COQ8A: variants seen among roughly 807,000 people sequenced by gnomAD.
COQ8A encodes the protein atypical kinase COQ8A, mitochondrial.
A neutral mutation model predicts 65.0 loss-of-function variants in COQ8A; 51 were observed. That is an observed-to-expected ratio of 0.78 (90% CI 0.63 to 0.99). COQ8A has a LOEUF of 0.99. Ranked by LOEUF, COQ8A falls within the 50% of genes least tolerant of loss-of-function variation. The pLI, the probability that COQ8A is intolerant of heterozygous loss-of-function variation, is 0.00. For synonymous variants in COQ8A, 371 were observed against 353.2 expected, an observed-to-expected ratio of 1.05 and a Z score of -0.57; for missense variants, 940 against 875.0, an observed-to-expected ratio of 1.07 and a Z score of -0.94.
At chr1:226,965,486 G>T in intron 3 of COQ8A, 76 bp downstream of exon 3, 2 of 1,566,612 alleles carry the variant, frequency 1.3e-6, no homozygotes, top group South Asian at 1.2e-5. Context: ...CTGCTCTAGG[G>T]ACTTTTCCTG....
chr1:226,941,088 C>G (rs138431011), intron 1 of COQ8A, among the ~76,000 whole-genome samples: 1 of 152,236 alleles, frequency 6.6e-6, no homozygotes, highest in African/African-American at 2.4e-5. Context: ...GTAACAGCCC[C>G]TCTGCCAAAC....
chr1:226,961,710 C>A, intron 2 of COQ8A, 148 bp downstream of exon 2: 1 of 941,022 alleles, frequency 1.1e-6, no homozygotes, highest in Non-Finnish European at 1.6e-6. Flanking sequence ...ACGGTCCTTC[C>A]AGGGTGGGAC....
At chr1:226,969,446 G>A (rs891259656) in intron 4 of COQ8A, among the ~76,000 whole-genome samples, 4 of 152,096 alleles carry the variant, frequency 2.6e-5, no homozygotes, top group Non-Finnish European at 5.9e-5. Context: ...CTACACGTGC[G>A]TGATAAGTCT....
chr1:226,975,406 A>G (rs912822191), intron 4 of COQ8A, among the ~76,000 whole-genome samples: 8 of 152,222 alleles, frequency 5.3e-5, no homozygotes, highest in Admixed American at 5.2e-4. Context: ...CGGCTGGTCC[A>G]CAGTGGGATG....
chr1:226,982,033 A>G lies in COQ8A; in HGVS notation c.737A>G (p.Lys246Arg), dbSNP rs756881280. ...CCCTCTTGCCCGCCCACAGGGAAGAAGGCCGTGCTGGGTTCCAGTCCTTTC... is the reference window on the plus strand; with the variant it reads ...CCCTCTTGCCCGCCCACAGGGAAGAGGGCCGTGCTGGGTTCCAGTCCTTTC... ...SLRSEDPSGK[K>R]AVLGSSPFLS... The change falls in exon 6 of 15, where the codon AAG (lysine) becomes AGG (arginine). Residue 246 changes from lysine (K) to arginine (R), a missense_variant. Physicochemically the swap from Lys to Arg is conservative, Grantham distance 26 (BLOSUM62 2). Transcript: ENST00000366777. 1 of 1,612,768 alleles carries G rather than the reference A, an allele frequency of 6.2e-7. No individual in the cohort carries two copies. The highest frequency in any genetic ancestry group is 1.7e-5 in the Admixed American group (1 of 60,010).
At chr1:226,960,215 G>T (rs1217512595) in intron 1 of COQ8A, among the ~76,000 whole-genome samples, 9 of 146,786 alleles carry the variant, frequency 6.1e-5, no homozygotes, top group African/African-American at 2.3e-4. Flanking sequence ...GGTGGTGGTG[G>T]TGGTGGTGAT....
At chr1:226,957,225 C>T (rs1353804770) in intron 1 of COQ8A, among the ~76,000 whole-genome samples, 2 of 149,718 alleles carry the variant, frequency 1.3e-5, no homozygotes, top group African/African-American at 2.5e-5. Context: ...CTGGTTCACA[C>T]TCTCCCTAGT....
intron 4 of COQ8A, among the ~76,000 whole-genome samples, chr1:226,970,032 T>C (rs1658797230): frequency 6.6e-6 from 1 of 152,194 alleles, no homozygotes; most frequent in South Asian, 2.1e-4. Context: ...AGCGGCGTGA[T>C]CTCGGCTCAC....
At position 226,961,738 on chromosome 1, in the gene COQ8A, C is replaced by CTGTGTG. The variant is rs138505774; in HGVS notation, c.177+180_177+181insTGTGTG. Among the ~76,000 whole-genome samples the CTGTGTG allele has an allele frequency of 2.5e-3, 376 of 152,352 alleles. 9 individuals are homozygous for CTGTGTG. The East Asian group carries it at 0.046, about 19-fold the overall frequency. ...GGTGGGACAGGGCCCCTGTGTGAGG[C>CTGTGTG]TGTGGCAACTATAACAGAATTCCAT... On this transcript the variant is annotated intron_variant, in intron 2 of 14. Transcript: ENST00000366777.
At chr1:226,965,955 T>C (rs1454643929) in intron 4 of COQ8A, among the ~76,000 whole-genome samples, 1 of 152,186 alleles carries the variant, frequency 6.6e-6, no homozygotes, top group Non-Finnish European at 1.5e-5. Context: ...CCCCTGCGGG[T>C]TGGTACAGGG....
chr1:226,970,879 ACTCTC>A (rs1371365637), intron 4 of COQ8A, among the ~76,000 whole-genome samples: 2 of 150,620 alleles, frequency 1.3e-5, no homozygotes, highest in African/African-American at 4.9e-5. Flanking sequence ...TCTCTGAGGA[ACTCTC>A]CTCTCTCTTA....
rs1659957960 is a variant in COQ8A at position 226,984,585 on chromosome 1, TGTTC to T, written c.1438_1441del (p.Phe480SerfsTer62). ...ATCCTGGTTCTGTGCCTGAGGGAGC[TGTTC>T]GAGTTCCACTTCATGCAAACAGACC... On this transcript the variant is annotated frameshift_variant, in exon 12 of 15. Coordinates refer to ENST00000366777, the MANE Select transcript of COQ8A (RefSeq NM_020247.5). LOFTEE classifies it high-confidence loss of function. The T allele has an allele frequency of 6.2e-7, 1 of 1,614,152 alleles. No homozygotes were observed. Among genetic ancestry groups the T allele is most frequent in the Non-Finnish European group, 8.5e-7 (1 of 1,180,002 alleles).
At position 226,965,102 on chromosome 1, in the gene COQ8A, T is replaced by C; in HGVS notation, c.280T>C (p.Ser94Pro). 6.2e-7 allele frequency: 1 copy of C among 1,613,950 alleles called. No homozygotes were observed. The highest frequency in any genetic ancestry group is 1.7e-5 in the Admixed American group (1 of 60,020). ...PHAAGASTDF[S>P]SASAPDQSAP... ...TGCAGCCGGAGCCTCCACAGACTTC[T>C]CTTCAGCCTCCGCTCCCGACCAGTC... The change falls in exon 3 of 15, where the codon TCT (serine) becomes CCT (proline). Residue 94 changes from serine to proline, a missense_variant. Transcript: ENST00000366777.
intron 5 of COQ8A, 58 bp downstream of exon 5, chr1:226,977,581 C>G (rs1244934678): frequency 6.0e-6 from 9 of 1,510,904 alleles, no homozygotes; most frequent in Non-Finnish European, 6.3e-6. Flanking sequence ...TTGAGCCTGT[C>G]AGCCCCCAGC....
intron 1 of COQ8A, among the ~76,000 whole-genome samples, chr1:226,945,795 G>A (rs1283708788): frequency 6.6e-6 from 1 of 152,244 alleles, no homozygotes; most frequent in Non-Finnish European, 1.5e-5. Context: ...AGGGACGGGG[G>A]TGACGCAGAG....
intron 1 of COQ8A, among the ~76,000 whole-genome samples, chr1:226,947,587 A>G (rs1657120052): frequency 1.3e-5 from 2 of 152,154 alleles, no homozygotes. Flanking sequence ...TGGGCAGATC[A>G]CTTGAGGTCG....
At chr1:226,941,940 C>T (rs771759836) in intron 1 of COQ8A, among the ~76,000 whole-genome samples, 1 of 152,140 alleles carries the variant, frequency 6.6e-6, no homozygotes, top group East Asian at 1.9e-4. Context: ...AGTGTGTTAT[C>T]TAAGACAAAG....
Position 226,965,160 on chromosome 1 carries a change from A to G in COQ8A, c.338A>G (p.Glu113Gly). Residue 113 changes from glutamate to glycine, a missense_variant, in exon 3 of 15, where the codon GAG (glutamate) becomes GGG (glycine). Glu to Gly is a moderately conservative substitution (Grantham distance 98). Coordinates refer to ENST00000366777, the MANE Select transcript of COQ8A (RefSeq NM_020247.5). ...APPSLGHAHS[E>G]GPAPAYVASG... is the part of the protein sequence containing the mutation. ...CCATCCCTGGGTCATGCCCACAGCG[A>G]GGGCCCAGCTCCTGCCTACGTGGCC... 6.2e-7 allele frequency: 1 copy of G among 1,613,780 alleles called. No individual in the cohort carries two copies. The highest frequency in any genetic ancestry group is 8.5e-7 in the Non-Finnish European group (1 of 1,180,018).
At chr1:226,962,950 G>C (rs1387919421) in intron 2 of COQ8A, among the ~76,000 whole-genome samples, 1 of 152,234 alleles carries the variant, frequency 6.6e-6, no homozygotes, top group East Asian at 1.9e-4. Flanking sequence ...CCATGCTCTT[G>C]CCCTCCCCTT....
Sources: allele counts gnomAD v4.1 joint callset (sites outside exome capture counted in the v4.1 genomes callset), GRCh38; gene constraint gnomAD v4.1.1; transcripts MANE v1.5; gene names NCBI Gene and HGNC (gene_info 2026-07-23, HGNC 2026-07-21).